Variants in ADAMTS2 observed in about 807,000 individuals in gnomAD.
ADAMTS2 encodes the protein ADAM metallopeptidase with thrombospondin type 1 motif 2.
In ADAMTS2, 50 loss-of-function variants were observed where a neutral mutation model predicts 123.0. The ratio of observed to expected loss-of-function variants is 0.41; its 90% CI spans 0.32 to 0.51. The LOEUF is 0.51. Ranked by LOEUF, ADAMTS2 falls within the 20% of genes least tolerant of loss-of-function variation. The pLI, the probability that ADAMTS2 is intolerant of heterozygous loss-of-function variation, is 0.35. For missense variants in ADAMTS2, 1,494 were observed against 1,705.2 expected, an observed-to-expected ratio of 0.88 and a Z score of 2.18; for synonymous variants, 678 against 695.4, an observed-to-expected ratio of 0.98 and a Z score of 0.39.
At chr5:179,137,700 A>G (rs1033772036) in intron 12 of ADAMTS2, 69 bp downstream of exon 12, 1 of 1,515,754 alleles carries the variant, frequency 6.6e-7, no homozygotes, top group African/African-American at 1.4e-5. Context: ...TCAGAGGCAC[A>G]AGCCCCCACC....
chr5:179,221,914 C>T (rs756181513), intron 3 of ADAMTS2, among the ~76,000 whole-genome samples: 5 of 152,166 alleles, frequency 3.3e-5, no homozygotes, highest in Non-Finnish European at 7.4e-5. Context: ...GCCTGCCCAA[C>T]CTTTGTTTCT....
At chr5:179,275,604 C>T (rs888889396) in intron 2 of ADAMTS2, among the ~76,000 whole-genome samples, 2 of 152,178 alleles carry the variant, frequency 1.3e-5, no homozygotes, top group African/African-American at 4.8e-5. Context: ...CATGGGCAGA[C>T]AGGGAGGATG....
In ADAMTS2 at chr5:179,162,165, C is replaced by T. The variant is rs565770332; in HGVS notation, c.976-3286G>A. Among the ~76,000 whole-genome samples, 2 of 152,300 alleles carry T rather than the reference C, an allele frequency of 1.3e-5. No individual in the cohort carries two copies. The highest frequency in any genetic ancestry group is 4.8e-5 in the African/African-American group (2 of 41,572). On this transcript the variant is annotated intron_variant, in intron 5 of 21. Transcript: ENST00000251582. The surrounding 1 kb of genome is among the most constrained non-coding windows in gnomAD (Gnocchi z 5.1). ...TGTAGTGGGACGGTCCCTTCCGATG[C>T]CCTGGTGGGTTGCGGTGACTTCTGC... is the stretch of plus-strand genomic sequence containing the variant.
intron 21 of ADAMTS2, chr5:179,120,312 C>G (rs888762): frequency 6.6e-6 from 1 of 152,068 alleles, no homozygotes; most frequent in Non-Finnish European, 1.5e-5. Context: ...AGAAAAGCAA[C>G]GACAATGGAA....
rs1762625276 is a variant in ADAMTS2 at position 179,114,402 on chromosome 5, G to A, written c.3179-78C>T. The A allele has an allele frequency of 4.2e-6, 6 of 1,443,684 alleles. No homozygotes were observed. The South Asian group carries it at 7.3e-5, about 18-fold the overall frequency. 89.4% of individuals were successfully genotyped at this position (1,443,684 alleles called of 1,614,324 possible). ...GTTCCCCCACAGGGTGCAGCTTGCT[G>A]GAGGAGGCATATGGAAGAGCCCAGA... On this transcript the variant is annotated intron_variant, in intron 21 of 21. Transcript: ENST00000251582.
intron 5 of ADAMTS2, among the ~76,000 whole-genome samples, chr5:179,159,725 A>G (rs1443449902): frequency 6.6e-6 from 1 of 152,190 alleles, no homozygotes; most frequent in Admixed American, 6.5e-5. Context: ...TTGGACAGGA[A>G]ACTGAGACTC....
intron 2 of ADAMTS2, among the ~76,000 whole-genome samples, chr5:179,309,704 C>T (rs1756772462): frequency 7.0e-6 from 1 of 141,932 alleles, no homozygotes; most frequent in Admixed American, 7.4e-5. Context: ...TTGCAGTGAG[C>T]CGAGATCATG....
intron 5 of ADAMTS2, among the ~76,000 whole-genome samples, chr5:179,177,073 C>T (rs1362360878): frequency 4.6e-5 from 7 of 152,356 alleles, no homozygotes; most frequent in African/African-American, 1.7e-4. Flanking sequence ...TTGTCTAGAT[C>T]TGCCTTCTGG....
intron 10 of ADAMTS2, among the ~76,000 whole-genome samples, chr5:179,143,827 T>C (rs1044872936): frequency 9.2e-5 from 14 of 152,230 alleles, no homozygotes; most frequent in Admixed American, 2.6e-4. Context: ...TAGTTCCATA[T>C]TCCATTAATT....
chr5:179,300,150 A>G lies in ADAMTS2; in HGVS notation c.535-27086T>C, dbSNP rs141741825. On this transcript the variant is annotated intron_variant, in intron 2 of 21. Transcript: ENST00000251582. ...GCCATTACACTGTGCCATCCAGGAT[A>G]ATCTCCTTATCTTAAAAGTCAACTA... 1.4e-3 allele frequency among the ~76,000 whole-genome samples: 208 copies of G among 151,870 alleles called. 3 individuals are homozygous for G. Among genetic ancestry groups the G allele is most frequent in the African/African-American group, 4.9e-3 (202 of 41,456 alleles).
At position 179,228,651 on chromosome 5, in the gene ADAMTS2, C is replaced by G. The variant is rs1765341549; in HGVS notation, c.689-20936G>C. Among the ~76,000 whole-genome samples the G allele has an allele frequency of 6.6e-6, 1 of 152,248 alleles. No homozygotes were observed. Among genetic ancestry groups the G allele is most frequent in the Non-Finnish European group, 1.5e-5 (1 of 68,048 alleles). ...GAGGTGCCCCCAGCCCCAGAACCCA[C>G]CATGCGCGGCTGGGCCGACTGTGCC... On this transcript the variant is annotated intron_variant, in intron 3 of 21. Transcript: ENST00000251582. The surrounding 1 kb of genome is among the most constrained non-coding windows in gnomAD (Gnocchi z 5.2).
chr5:179,292,421 C>A (rs1197824479), intron 2 of ADAMTS2, among the ~76,000 whole-genome samples: 2 of 151,830 alleles, frequency 1.3e-5, no homozygotes. Context: ...AGCTCCTGAG[C>A]CTGAGCAGTA....
intron 10 of ADAMTS2, among the ~76,000 whole-genome samples, chr5:179,145,734 G>A (rs1216381157): frequency 2.0e-5 from 3 of 152,182 alleles, no homozygotes; most frequent in African/African-American, 4.8e-5. Context: ...GGATTGAGGT[G>A]ACTACTAAAG....
At chr5:179,179,808 T>A (rs1265244455) in intron 5 of ADAMTS2, among the ~76,000 whole-genome samples, 1 of 152,240 alleles carries the variant, frequency 6.6e-6, no homozygotes, top group Non-Finnish European at 1.5e-5. Flanking sequence ...TCCTTCGTCA[T>A]CATTTTTACA....
At chr5:179,191,449 C>A (rs1764305410) in intron 4 of ADAMTS2, among the ~76,000 whole-genome samples, 1 of 147,812 alleles carries the variant, frequency 6.8e-6, no homozygotes, top group Non-Finnish European at 1.5e-5. Flanking sequence ...TCACCTGGGT[C>A]CGTTTGAGCA....
chr5:179,196,141 T>G (rs533524261), intron 4 of ADAMTS2, among the ~76,000 whole-genome samples: 1 of 152,302 alleles, frequency 6.6e-6, no homozygotes, highest in South Asian at 2.1e-4. Flanking sequence ...GCCTTCGGAT[T>G]GTTTGCAAAC....
chr5:179,338,495 G>A (rs955759485), intron 2 of ADAMTS2, among the ~76,000 whole-genome samples: 7 of 152,174 alleles, frequency 4.6e-5, no homozygotes, highest in South Asian at 2.1e-4. Context: ...CTCAGCTCAC[G>A]TAAGGCAGCA....
chr5:179,187,577 C>T (rs1194036201), intron 4 of ADAMTS2, among the ~76,000 whole-genome samples: 1 of 152,170 alleles, frequency 6.6e-6, no homozygotes, highest in Non-Finnish European at 1.5e-5. Context: ...GGGAGGCCCC[C>T]AGCTAAGGGC....
chr5:179,280,889 G>A lies in ADAMTS2; in HGVS notation c.535-7825C>T, dbSNP rs571799905. Reference sequence around the variant, plus strand: ...TCTTCTTTTTTTGAGACAGAGTCTCGCTCTGTCACCCAGGCTGGAGTGCAG... The same window carrying A: ...TCTTCTTTTTTTGAGACAGAGTCTCACTCTGTCACCCAGGCTGGAGTGCAG... On this transcript the variant is annotated intron_variant, in intron 2 of 21. Transcript: ENST00000251582. 1.3e-3 allele frequency among the ~76,000 whole-genome samples: 190 copies of A among 151,770 alleles called. 2 individuals carry two copies. The highest frequency in any genetic ancestry group is 0.012 in the Admixed American group (182 of 15,238).
Sources: allele counts gnomAD v4.1 joint callset (sites outside exome capture counted in the v4.1 genomes callset), GRCh38; gene constraint gnomAD v4.1.1; non-coding constraint Gnocchi (gnomAD v3.1); transcripts MANE v1.5; gene names NCBI Gene and HGNC (gene_info 2026-07-23, HGNC 2026-07-21).